HCRTR2: variants seen among roughly 807,000 people sequenced by gnomAD.
HCRTR2 encodes hypocretin receptor 2.
Under a neutral mutation model 49.0 loss-of-function variants are expected in HCRTR2, and 22 were observed. That is an observed-to-expected ratio of 0.45 (90% CI 0.32 to 0.64). HCRTR2 has a LOEUF of 0.64. Ranked by LOEUF, HCRTR2 falls within the 30% of genes least tolerant of loss-of-function variation. The pLI is 0.04. For missense variants in HCRTR2, 491 were observed against 559.4 expected, an observed-to-expected ratio of 0.88 and a Z score of 1.23; for synonymous variants, 236 against 205.3, an observed-to-expected ratio of 1.15 and a Z score of -1.28.
chr6:55,284,594 G>A (rs942526264), downstream of HCRTR2, among the ~76,000 whole-genome samples: 3 of 152,032 alleles, frequency 2.0e-5, no homozygotes, highest in Middle Eastern at 3.4e-3. Context: ...CACCATCATC[G>A]CTACCGTCAA....
chr6:55,112,767 C>G (rs1396860012), intron 1 of HCRTR2, among the ~76,000 whole-genome samples: 1 of 151,910 alleles, frequency 6.6e-6, no homozygotes, highest in Admixed American at 6.6e-5. Context: ...TATCATTATT[C>G]TTCACATAAC....
chr6:55,227,136 T>G (rs1766024500), intron 1 of HCRTR2, among the ~76,000 whole-genome samples: 1 of 152,190 alleles, frequency 6.6e-6, no homozygotes, highest in African/African-American at 2.4e-5. Flanking sequence ...TCTATGATTT[T>G]TTTTTAATCC....
At chr6:55,137,758 C>A (rs983683842) in intron 1 of HCRTR2, among the ~76,000 whole-genome samples, 2 of 152,178 alleles carry the variant, frequency 1.3e-5, no homozygotes, top group Non-Finnish European at 2.9e-5. Flanking sequence ...AATATTAACA[C>A]TTTACCTACT....
chr6:55,189,517 C>A (rs3006851), intron 1 of HCRTR2, among the ~76,000 whole-genome samples: 152,062 of 152,336 alleles, frequency 1, 75,895 homozygotes, highest in Non-Finnish European at 1. Context: ...TACAGTGGCT[C>A]TCCTCAGCAA....
chr6:55,267,643 C>G lies in HCRTR2; in HGVS notation c.762+3821C>G, dbSNP rs139785901. On this transcript the variant is annotated intron_variant, in intron 4 of 6. Coordinates refer to ENST00000370862, the MANE Select transcript of HCRTR2 (RefSeq NM_001384272.1). ...TCTGTGTCAGCTATGGTGTGAGGTACTGAGGATGGACTGTAATAGATATTT... is the reference window on the plus strand; with the variant it reads ...TCTGTGTCAGCTATGGTGTGAGGTAGTGAGGATGGACTGTAATAGATATTT... Among the ~76,000 whole-genome samples the G allele has an allele frequency of 1.4e-3, 207 of 152,142 alleles. 3 individuals are homozygous for G. The East Asian group carries it at 0.036, about 27-fold the overall frequency.
At chr6:55,145,190 G>A (rs1427357265) in intron 1 of HCRTR2, among the ~76,000 whole-genome samples, 1 of 152,068 alleles carries the variant, frequency 6.6e-6, no homozygotes, top group Non-Finnish European at 1.5e-5. Context: ...TGTCAATTGT[G>A]TAACAGACCC....
chr6:55,118,994 G>A (rs1764158268), intron 1 of HCRTR2, among the ~76,000 whole-genome samples: 1 of 151,712 alleles, frequency 6.6e-6, no homozygotes, highest in Admixed American at 6.6e-5. Context: ...GTGTTCATGT[G>A]TTCTCCTTGT....
At chr6:55,260,241 G>A (rs143053173) in intron 3 of HCRTR2, among the ~76,000 whole-genome samples, 7 of 152,212 alleles carry the variant, frequency 4.6e-5, no homozygotes, top group East Asian at 3.9e-4. Flanking sequence ...ACAGGGCTTC[G>A]CAGGTATGTA....
intron 1 of HCRTR2, among the ~76,000 whole-genome samples, chr6:55,162,778 T>C (rs2127263244): frequency 6.6e-6 from 1 of 152,250 alleles, no homozygotes; most frequent in Non-Finnish European, 1.5e-5. Context: ...GAAGGACCTC[T>C]TCAAGGAGAA....
chr6:55,278,804 A>T (rs1046859798), intron 5 of HCRTR2, among the ~76,000 whole-genome samples: 2 of 151,000 alleles, frequency 1.3e-5, no homozygotes, highest in African/African-American at 4.9e-5. Context: ...CACCTGCTAG[A>T]TACTCTCTTC....
intron 1 of HCRTR2, among the ~76,000 whole-genome samples, chr6:55,142,681 T>C (rs564116285): frequency 5.7e-4 from 87 of 152,198 alleles, no homozygotes; most frequent in Non-Finnish European, 9.9e-4. Flanking sequence ...GTTTTCCACA[T>C]GTGTAGTTTA....
chr6:55,255,801 A>T (rs1014393501), intron 3 of HCRTR2, among the ~76,000 whole-genome samples: 51 of 152,028 alleles, frequency 3.4e-4, no homozygotes, highest in African/African-American at 1.2e-3. Context: ...ATACAACTGA[A>T]TTTTTTCATT....
chr6:55,205,348 G>A (rs188018846), intron 1 of HCRTR2, among the ~76,000 whole-genome samples: 57 of 152,222 alleles, frequency 3.7e-4, no homozygotes, highest in Admixed American at 2.7e-3. Flanking sequence ...GTGAGAGATC[G>A]AGAAGAATGG....
chr6:55,187,286 G>A (rs543895940), intron 1 of HCRTR2, among the ~76,000 whole-genome samples: 54 of 151,756 alleles, frequency 3.6e-4, no homozygotes, highest in African/African-American at 1.2e-3. Flanking sequence ...GGTGGCATGC[G>A]CCTGTAGTCC....
At chr6:55,275,948 T>G (rs900447497) in intron 4 of HCRTR2, among the ~76,000 whole-genome samples, 1 of 114,038 alleles carries the variant, frequency 8.8e-6, no homozygotes, top group East Asian at 2.7e-4. Flanking sequence ...AAAATTTAAT[T>G]GATCTATCAG....
At chr6:55,232,746 G>A (rs536017435) in intron 1 of HCRTR2, among the ~76,000 whole-genome samples, 1 of 152,056 alleles carries the variant, frequency 6.6e-6, no homozygotes, top group Non-Finnish European at 1.5e-5. Context: ...CTGTTTTTAT[G>A]TCCATTAAAA....
At chr6:55,154,713 TAAA>T in intron 1 of HCRTR2, among the ~76,000 whole-genome samples, 1 of 144,668 alleles carries the variant, frequency 6.9e-6, no homozygotes, top group Non-Finnish European at 1.6e-5. Context: ...AATAAATAAA[TAAA>T]TATAAATAAA....
intron 1 of HCRTR2, among the ~76,000 whole-genome samples, chr6:55,216,375 C>T (rs780971968): frequency 2.0e-5 from 3 of 152,098 alleles, no homozygotes; most frequent in South Asian, 2.1e-4. Context: ...CTCTAAAATA[C>T]GAAGTCAAGA....
intron 1 of HCRTR2, among the ~76,000 whole-genome samples, chr6:55,203,861 T>A (rs1052932663): frequency 6.6e-6 from 1 of 151,596 alleles, no homozygotes; most frequent in Non-Finnish European, 1.5e-5. Context: ...TAAGTCATTG[T>A]AAGGACTTAA....
Sources: gnomAD v4.1 joint callset for allele counts (sites outside exome capture counted in the v4.1 genomes callset) on GRCh38, gnomAD v4.1.1 for gene constraint, MANE v1.5 for transcripts, NCBI Gene and HGNC (gene_info 2026-07-23, HGNC 2026-07-21) for gene names.